Variants in PCLO observed in about 807,000 individuals in gnomAD.
The protein encoded by PCLO is piccolo presynaptic cytomatrix protein.
In PCLO, 82 loss-of-function variants were observed where a neutral mutation model predicts 427.5. The observed-to-expected ratio is 0.19, with a 90% CI of 0.16 to 0.23. PCLO has a LOEUF of 0.23. Ranked by LOEUF, PCLO falls within the 10% of genes least tolerant of loss-of-function variation. The pLI is 1.00. For synonymous variants in PCLO, 2,357 were observed against 2,155.4 expected, an observed-to-expected ratio of 1.09 and a Z score of -2.59; for missense variants, 6,239 against 6,115.9, an observed-to-expected ratio of 1.02 and a Z score of -0.67.
chr7:82,926,359 T>C (rs1041261663), intron 6 of PCLO, among the ~76,000 whole-genome samples: 3 of 152,148 alleles, frequency 2.0e-5, no homozygotes, highest in South Asian at 4.1e-4. Context: ...CAATATACCA[T>C]TTGTGAAAAT....
At chr7:83,160,758 G>A (rs1792415150) in intron 1 of PCLO, among the ~76,000 whole-genome samples, 1 of 152,082 alleles carries the variant, frequency 6.6e-6, no homozygotes, top group African/African-American at 2.4e-5. Context: ...TAGAAATCTA[G>A]AAATCAAAGA....
At chr7:82,987,355 A>G (rs7793070) in intron 3 of PCLO, among the ~76,000 whole-genome samples, 114,213 of 151,880 alleles carry the variant, frequency 0.75, 43,514 homozygotes, top group East Asian at 0.92. Context: ...AGTAATGCAT[A>G]CATAATGTTT....
At chr7:83,157,466 A>G (rs892383186) in intron 1 of PCLO, among the ~76,000 whole-genome samples, 5 of 152,060 alleles carry the variant, frequency 3.3e-5, no homozygotes, top group Non-Finnish European at 7.4e-5. Flanking sequence ...GATTAAATGT[A>G]GCAAGTAGTT....
chr7:82,982,035 T>C (rs1796157845), intron 3 of PCLO, among the ~76,000 whole-genome samples: 1 of 152,158 alleles, frequency 6.6e-6, no homozygotes, highest in Non-Finnish European at 1.5e-5. Flanking sequence ...GTGCTCTGTA[T>C]GTTAATGCAT....
chr7:83,109,396 T>A (rs906809774), intron 3 of PCLO, among the ~76,000 whole-genome samples: 1 of 152,164 alleles, frequency 6.6e-6, no homozygotes, highest in Non-Finnish European at 1.5e-5. Context: ...TCATTGCCAC[T>A]TTTCAACCAC....
chr7:83,102,784 A>C (rs2116493069), intron 3 of PCLO, among the ~76,000 whole-genome samples: 1 of 152,046 alleles, frequency 6.6e-6, no homozygotes, highest in Non-Finnish European at 1.5e-5. Flanking sequence ...TTTCTTAAAA[A>C]AATCCTTGTA....
At chr7:83,051,821 A>G (rs1789261540) in intron 3 of PCLO, among the ~76,000 whole-genome samples, 1 of 152,168 alleles carries the variant, frequency 6.6e-6, no homozygotes, top group African/African-American at 2.4e-5. Flanking sequence ...AAGCTACAGG[A>G]AAAAAGACAG....
Position 82,914,473 on chromosome 7 carries a change from A to G in PCLO, c.13300+213T>C, listed in dbSNP as rs1371254250. 4.7e-6 allele frequency: 3 copies of G among 633,414 alleles called. No homozygotes were observed. In the African/African-American group the frequency reaches 5.5e-5, roughly 12 times the overall value. The allele number at this position is 633,414 out of a possible 1,614,324, so 39.2% of individuals were successfully genotyped here. A position where few individuals can be genotyped will look rare whatever the true frequency, so the allele number is the denominator to read the frequency against. On this transcript the variant is annotated intron_variant, in intron 7 of 24. Transcript: ENST00000333891. ...AAGCAAACAATCAAGAAACAGAACA[A>G]TAAAGGAATAAAGTAAAACTAAATA...
chr7:83,077,905 C>A (rs889581664), intron 3 of PCLO, among the ~76,000 whole-genome samples: 1 of 151,978 alleles, frequency 6.6e-6, no homozygotes, highest in African/African-American at 2.4e-5. Context: ...AAAATGCAGA[C>A]GCTTAATGGG....
chr7:83,064,505 A>G (rs1258939563), intron 3 of PCLO, among the ~76,000 whole-genome samples: 1 of 152,060 alleles, frequency 6.6e-6, no homozygotes, highest in African/African-American at 2.4e-5. Flanking sequence ...CACCACACAT[A>G]GTTGCTGTTA....
At chr7:83,050,231 A>C (rs1432811363) in intron 3 of PCLO, among the ~76,000 whole-genome samples, 2 of 122,982 alleles carry the variant, frequency 1.6e-5, no homozygotes, top group African/African-American at 3.2e-5. Context: ...AAAAAAAAAA[A>C]AAAAAACACA....
chr7:83,144,861 T>C (rs535563557), intron 2 of PCLO, among the ~76,000 whole-genome samples: 1 of 152,360 alleles, frequency 6.6e-6, no homozygotes, highest in African/African-American at 2.4e-5. Flanking sequence ...TTGATTTCTT[T>C]AAGTTACGTT....
At chr7:82,937,846 T>A (rs1171829811) in intron 6 of PCLO, among the ~76,000 whole-genome samples, 1 of 151,796 alleles carries the variant, frequency 6.6e-6, no homozygotes, top group Non-Finnish European at 1.5e-5. Flanking sequence ...AAAATTTCAG[T>A]TGTGTTTTGT....
intron 3 of PCLO, among the ~76,000 whole-genome samples, chr7:83,133,526 G>A (rs1791627496): frequency 6.6e-6 from 1 of 151,832 alleles, no homozygotes; most frequent in Admixed American, 6.6e-5. Context: ...CATTTACATT[G>A]CAGAAAAAGT....
At chr7:82,783,975 G>A (rs1038901089) in intron 22 of PCLO, among the ~76,000 whole-genome samples, 12 of 151,562 alleles carry the variant, frequency 7.9e-5, no homozygotes, top group South Asian at 2.1e-4. Flanking sequence ...ACATGAATCC[G>A]GAAGAAATAG....
chr7:82,758,746 T>A, intron 24 of PCLO, 31 bp from the exon 25 acceptor site: 1 of 1,344,956 alleles, frequency 7.4e-7, no homozygotes. Flanking sequence ...TAAACATATT[T>A]AATTTATACA....
At chr7:83,031,912 C>T (rs945290798) in intron 3 of PCLO, among the ~76,000 whole-genome samples, 1 of 152,026 alleles carries the variant, frequency 6.6e-6, no homozygotes, top group Non-Finnish European at 1.5e-5. Context: ...TTACTTAAAC[C>T]CTTTTCAGGA....
At chr7:83,040,028 C>T (rs6979844) in intron 3 of PCLO, among the ~76,000 whole-genome samples, 13,180 of 152,104 alleles carry the variant, frequency 0.087, 723 homozygotes, top group East Asian at 0.17. Context: ...TGCAGCATTG[C>T]TGAACTTGCC....
At chr7:82,825,768 T>TA (rs36003575) in intron 18 of PCLO, among the ~76,000 whole-genome samples, 51,554 of 147,424 alleles carry the variant, frequency 0.35, 11,200 homozygotes, top group East Asian at 0.7. Flanking sequence ...ATATACATTG[T>TA]ATATACACAT....
Sources: gnomAD v4.1 joint callset for allele counts (sites outside exome capture counted in the v4.1 genomes callset) on GRCh38, gnomAD v4.1.1 for gene constraint, MANE v1.5 for transcripts, NCBI Gene and HGNC (gene_info 2026-07-23, HGNC 2026-07-21) for gene names.